Variants in ADGRD1 observed in about 807,000 individuals in gnomAD.
ADGRD1 encodes the protein G-protein coupled receptor 133.
Under a neutral mutation model 113.4 loss-of-function variants are expected in ADGRD1, and 77 were observed. That is an observed-to-expected ratio of 0.68 (90% CI 0.57 to 0.82). The LOEUF (loss-of-function observed/expected upper bound fraction) is 0.82, where lower values mean the gene tolerates loss of function less well. Among genes scored for constraint, ADGRD1 ranks in the 40% least tolerant of loss-of-function variants. The pLI is 0.00. For synonymous variants in ADGRD1, 474 were observed against 475.0 expected, an observed-to-expected ratio of 1.00 and a Z score of 0.03; for missense variants, 1,036 against 1,139.1, an observed-to-expected ratio of 0.91 and a Z score of 1.30.
chr12:131,065,453 C>T (rs1884643762), intron 13 of ADGRD1, among the ~76,000 whole-genome samples: 1 of 152,200 alleles, frequency 6.6e-6, no homozygotes, highest in Non-Finnish European at 1.5e-5. Flanking sequence ...GTGCCAGGAC[C>T]CCACTCCCTC....
At chr12:131,077,213 C>T (rs1057202079) in intron 14 of ADGRD1, among the ~76,000 whole-genome samples, 3 of 151,704 alleles carry the variant, frequency 2.0e-5, no homozygotes, top group Non-Finnish European at 4.4e-5. Flanking sequence ...GGCTGTCCCC[C>T]TCGAGGGTCT....
intron 13 of ADGRD1, among the ~76,000 whole-genome samples, chr12:131,074,857 C>T (rs1196174524): frequency 6.6e-6 from 1 of 152,216 alleles, no homozygotes; most frequent in Non-Finnish European, 1.5e-5. Flanking sequence ...GCCTTCCCCA[C>T]CCTCCGACCA....
intron 5 of ADGRD1, among the ~76,000 whole-genome samples, chr12:130,986,036 C>A (rs1269781179): frequency 6.6e-6 from 1 of 152,076 alleles, no homozygotes; most frequent in African/African-American, 2.4e-5. Context: ...CTGTTTTTTT[C>A]CAATGCCACA....
Position 131,076,877 on chromosome 12 carries a change from A to T in ADGRD1, c.1547+3A>T. 6.2e-7 allele frequency: 1 copy of T among 1,613,332 alleles called. No homozygotes were observed. Among genetic ancestry groups the T allele is most frequent in the Non-Finnish European group, 8.5e-7 (1 of 1,179,312 alleles). On this transcript the variant is annotated splice_donor_region_variant and intron_variant, in intron 14 of 24. Transcript: ENST00000261654. ...TACTGCGCCTTCCTGGACTTCAGGT[A>T]CCCTCTGCACAGGGGAGAGCAGGTG...
intron 2 of ADGRD1, among the ~76,000 whole-genome samples, chr12:130,958,684 C>T (rs903729294): frequency 3.9e-5 from 6 of 152,194 alleles, no homozygotes; most frequent in Non-Finnish European, 7.3e-5. Context: ...CTGGCCCTGG[C>T]GCGTCTCCTC....
At chr12:131,087,316 C>A (rs1399267200) in intron 15 of ADGRD1, among the ~76,000 whole-genome samples, 1 of 152,224 alleles carries the variant, frequency 6.6e-6, no homozygotes, top group Non-Finnish European at 1.5e-5. Flanking sequence ...TCGGGTCCCT[C>A]GTGCACAGAC....
rs558599818 is a variant in ADGRD1 at position 131,039,349 on chromosome 12, G to A, written c.1473+25009G>A. On this transcript the variant is annotated intron_variant, in intron 13 of 24. Transcript: ENST00000261654. The stretch of plus-strand genomic sequence containing the variant: ...CTCACGGGGTGACCCTTTCAACGCC[G>A]GGGAAATGGGGGAAAAGCCAGCTCA... Among the ~76,000 whole-genome samples, 17 of 152,368 alleles carry A rather than the reference G, an allele frequency of 1.1e-4. No individual in the cohort carries two copies. The South Asian group carries it at 2.9e-3, about 26-fold the overall frequency.
chr12:131,060,812 G>C lies in ADGRD1; in HGVS notation c.1474-15989G>C, dbSNP rs1162189921. The stretch of plus-strand genomic sequence containing the variant: ...GATCTCACTGCCTGGAGATCCCATT[G>C]CCTGGATTCTCAGGCAACCCTTCTT... On this transcript the variant is annotated intron_variant, in intron 13 of 24. Transcript: ENST00000261654. This position sits in a 1 kb window ranked among gnomAD's most constrained non-coding sequence, Gnocchi z 4.4. 6.6e-6 allele frequency among the ~76,000 whole-genome samples: 1 copy of C among 152,068 alleles called. No homozygotes were observed. Among genetic ancestry groups the C allele is most frequent in the Admixed American group, 6.5e-5 (1 of 15,274 alleles).
chr12:131,138,067 C>A, intron 23 of ADGRD1, 70 bp from the exon 24 acceptor site: 2 of 1,287,668 alleles, frequency 1.6e-6, no homozygotes, highest in Non-Finnish European at 2.3e-6. Context: ...GTTGCACCGG[C>A]ACAGACTCCT....
chr12:131,115,266 G>A (rs933546529), intron 18 of ADGRD1, among the ~76,000 whole-genome samples: 4 of 152,226 alleles, frequency 2.6e-5, no homozygotes, highest in East Asian at 1.9e-4. Flanking sequence ...AGCTATGTGA[G>A]GGAAGGGGTC....
In ADGRD1 at chr12:131,003,277, C is replaced by T. The variant is rs549833008; in HGVS notation, c.1119C>T (p.Thr373=). 2.0e-5 allele frequency: 33 copies of T among 1,613,540 alleles called. No individual in the cohort carries two copies. The highest frequency in any genetic ancestry group is 1.7e-4 in the Middle Eastern group (1 of 6,060). ...TGCACGGCAGCACGCCCCAGGTCAC[C>T]GTGGAGGGCTCCTCTGCCATGGCAG... The part of the protein sequence containing the change: ...SNLHGSTPQV[T]VEGSSAMAEF... The change falls in exon 10 of 25, where the codon ACC becomes ACT. Residue 373 remains threonine, a synonymous_variant. Transcript: ENST00000261654. This position sits in a 1 kb window ranked among gnomAD's most constrained non-coding sequence, Gnocchi z 4.8.
At chr12:131,135,555 G>A (rs1457372735) in intron 21 of ADGRD1, among the ~76,000 whole-genome samples, 1 of 152,194 alleles carries the variant, frequency 6.6e-6, no homozygotes, top group Non-Finnish European at 1.5e-5. Flanking sequence ...GCGGGCTGCA[G>A]CCCAGTGAGG....
intron 12 of ADGRD1, among the ~76,000 whole-genome samples, chr12:131,012,365 T>C (rs917493422): frequency 2.6e-5 from 4 of 151,864 alleles, no homozygotes; most frequent in Admixed American, 2.6e-4. Context: ...CATAGAGGAA[T>C]TGCCGGGTCG....
In ADGRD1 at chr12:131,104,952, A is replaced by C; in HGVS notation, c.1775+18A>C. Reference sequence around the variant, plus strand: ...GTGCTGTCGTGAGTCCCCTTTTCTAATCCACCCAACAGTCTCTCGGCCCCT... The same window carrying C: ...GTGCTGTCGTGAGTCCCCTTTTCTACTCCACCCAACAGTCTCTCGGCCCCT... On this transcript the variant is annotated intron_variant, in intron 16 of 24. Coordinates refer to ENST00000261654, the MANE Select transcript of ADGRD1 (RefSeq NM_198827.5). 2.7e-6 allele frequency: 4 copies of C among 1,508,876 alleles called. No individual in the cohort carries two copies. Among genetic ancestry groups the C allele is most frequent in the Non-Finnish European group, 3.6e-6 (4 of 1,111,456 alleles). 93.5% of individuals were successfully genotyped at this position (1,508,876 alleles called of 1,614,324 possible).
intron 13 of ADGRD1, among the ~76,000 whole-genome samples, chr12:131,031,075 C>T (rs1182513257): frequency 1.3e-5 from 2 of 152,180 alleles, no homozygotes; most frequent in Admixed American, 1.3e-4. Context: ...AGGGCAACAC[C>T]TCATCCCAAC....
In ADGRD1 at chr12:131,008,097, T is replaced by G. The variant is rs182040796; in HGVS notation, c.1331+2050T>G. On this transcript the variant is annotated intron_variant, in intron 12 of 24. Transcript: ENST00000261654. Reference sequence around the variant, plus strand: ...CTTAAAACAGGAGTAATAATAGCACTGATTTCTGAGGATTGCCAGGAGGAC... The same window carrying G: ...CTTAAAACAGGAGTAATAATAGCACGGATTTCTGAGGATTGCCAGGAGGAC... Among the ~76,000 whole-genome samples, 54 of 152,354 alleles carry G rather than the reference T, an allele frequency of 3.5e-4. 1 individual carries two copies. The highest frequency in any genetic ancestry group is 3.3e-3 in the Admixed American group (51 of 15,298).
chr12:131,014,486 T>G, intron 13 of ADGRD1, 146 bp downstream of exon 13: 3 of 720,870 alleles, frequency 4.2e-6, no homozygotes, highest in East Asian at 2.9e-5. Context: ...TGGAGCTCCT[T>G]CTCTTGGGCC....
intron 13 of ADGRD1, among the ~76,000 whole-genome samples, chr12:131,039,209 G>A (rs1201375745): frequency 8.7e-6 from 1 of 114,316 alleles, no homozygotes; most frequent in South Asian, 2.3e-4. Context: ...GAGCCGGGAC[G>A]GTGCGGAGAG....
intron 13 of ADGRD1, among the ~76,000 whole-genome samples, chr12:131,046,544 C>T (rs1882818877): frequency 7.5e-6 from 1 of 132,842 alleles, no homozygotes; most frequent in Non-Finnish European, 1.6e-5. Context: ...CTGATCAGTG[C>T]CCCCTCCCTG....
Sources: gnomAD v4.1 joint callset for allele counts (sites outside exome capture counted in the v4.1 genomes callset) on GRCh38, gnomAD v4.1.1 for gene constraint, Gnocchi (gnomAD v3.1) non-coding constraint, MANE v1.5 for transcripts, NCBI Gene and HGNC (gene_info 2026-07-23, HGNC 2026-07-21) for gene names.